The following ZNF148 variants were observed in gnomAD, a reference collection of about 807,000 sequenced individuals.
The protein encoded by ZNF148 is Beta-Enolase Repressor Factor-1.
ZNF148 carries 7 observed loss-of-function variants against 67.7 expected under a neutral mutation model. The ratio of observed to expected loss-of-function variants is 0.10; its 90% CI spans 0.06 to 0.19. ZNF148 has a LOEUF of 0.19. ZNF148 is among the 10% of genes least tolerant of loss of function. ZNF148 has a pLI of 1.00. For synonymous variants in ZNF148, 333 were observed against 330.7 expected, an observed-to-expected ratio of 1.01 and a Z score of -0.08; for missense variants, 583 against 947.1, an observed-to-expected ratio of 0.62 and a Z score of 5.05.
At chr3:125,323,905 G>A (rs1940900301) in intron 2 of ZNF148, among the ~76,000 whole-genome samples, 1 of 150,980 alleles carries the variant, frequency 6.6e-6, no homozygotes, top group South Asian at 2.1e-4. Context: ...CTTGCAGTGA[G>A]CCAAGATTGC....
chr3:125,322,857 G>A (rs1453097118), intron 3 of ZNF148, among the ~76,000 whole-genome samples: 2 of 152,128 alleles, frequency 1.3e-5, no homozygotes, highest in Admixed American at 6.5e-5. Flanking sequence ...CATACAACAT[G>A]TATAGATGTA....
intron 7 of ZNF148, among the ~76,000 whole-genome samples, chr3:125,237,537 G>A (rs1936147541): frequency 6.6e-6 from 1 of 152,096 alleles, no homozygotes; most frequent in Admixed American, 6.5e-5. Flanking sequence ...AGCCAAGATC[G>A]AGCCACTGTT....
At chr3:125,326,312 G>A (rs185486061) in intron 2 of ZNF148, among the ~76,000 whole-genome samples, 1 of 152,074 alleles carries the variant, frequency 6.6e-6, no homozygotes, top group East Asian at 1.9e-4. Context: ...ATAAAGCAAT[G>A]ATCACGACAC....
intron 1 of ZNF148, among the ~76,000 whole-genome samples, chr3:125,333,796 T>C (rs1941386059): frequency 6.6e-6 from 1 of 152,236 alleles, no homozygotes; most frequent in Non-Finnish European, 1.5e-5. Flanking sequence ...TGACTTATGA[T>C]GAGGTTATGT....
At chr3:125,308,197 A>G (rs901973387) in intron 4 of ZNF148, among the ~76,000 whole-genome samples, 1 of 152,238 alleles carries the variant, frequency 6.6e-6, no homozygotes, top group Non-Finnish European at 1.5e-5. Flanking sequence ...AAAGATAACA[A>G]AGTCACAGAA....
Position 125,233,974 on chromosome 3 carries a change from T to C in ZNF148, c.787-35A>G. 6.5e-7 allele frequency: 1 copy of C among 1,540,410 alleles called. No individual in the cohort carries two copies. On this transcript the variant is annotated intron_variant, in intron 8 of 8. Transcript: ENST00000360647. The surrounding 1 kb of genome is among the most constrained non-coding windows in gnomAD (Gnocchi z 5.1). ...TCAGAGGATGGTAGTGGGTTGTTTG[T>C]GGTTTTGGTCAACCAAGAAAAGAAA...
chr3:125,321,665 G>GA (rs1296275732), intron 3 of ZNF148, among the ~76,000 whole-genome samples: 1 of 152,084 alleles, frequency 6.6e-6, no homozygotes, highest in Non-Finnish European at 1.5e-5. Context: ...TTAACAAGGA[G>GA]AGGGGGAGGG....
At chr3:125,256,974 T>G (rs867358242) in intron 7 of ZNF148, among the ~76,000 whole-genome samples, 2,851 of 150,290 alleles carry the variant, frequency 0.019, 28 homozygotes, top group Non-Finnish European at 0.025. Context: ...CCAGTTTTTT[T>G]TTTTTTTTTT....
chr3:125,347,350 T>C (rs1041642335), intron 1 of ZNF148, among the ~76,000 whole-genome samples: 2 of 152,202 alleles, frequency 1.3e-5, no homozygotes, highest in African/African-American at 4.8e-5. Flanking sequence ...AAAATTCATA[T>C]GGAATTGCAA....
intron 3 of ZNF148, among the ~76,000 whole-genome samples, chr3:125,319,796 C>T (rs1940690368): frequency 6.6e-6 from 1 of 152,164 alleles, no homozygotes; most frequent in Non-Finnish European, 1.5e-5. Flanking sequence ...CAGAAGTAAA[C>T]TGGGATTTCA....
Position 125,228,806 on chromosome 3 carries a change from A to AC in ZNF148, c.*3534dup, listed in dbSNP as rs1429040344. On this transcript the variant is annotated 3_prime_UTR_variant, in exon 9 of 9. Coordinates refer to ENST00000360647, the MANE Select transcript of ZNF148 (RefSeq NM_021964.3). ...CAGAATTAAAGATTCAATCATAGGT[A>AC]CATCCTTATTTGATGAACCATATTT... The AC allele has an allele frequency of 6.6e-6, 1 of 152,632 alleles. No homozygotes were observed. Among genetic ancestry groups the AC allele is most frequent in the African/African-American group, 2.4e-5 (1 of 41,464 alleles). 9.5% of individuals were successfully genotyped at this position (152,632 alleles called of 1,614,324 possible).
intron 1 of ZNF148, among the ~76,000 whole-genome samples, chr3:125,364,164 C>T (rs1942631580): frequency 6.6e-6 from 1 of 151,998 alleles, no homozygotes; most frequent in African/African-American, 2.4e-5. Flanking sequence ...TCTGGGAGAC[C>T]GAGGTGGGCA....
chr3:125,263,763 A>G (rs536070892), intron 7 of ZNF148, among the ~76,000 whole-genome samples: 42 of 151,848 alleles, frequency 2.8e-4, no homozygotes, highest in African/African-American at 9.2e-4. Flanking sequence ...GAACTCCTGA[A>G]ACCCTAGGGA....
At chr3:125,368,409 TCA>T (rs1942766278) in intron 1 of ZNF148, among the ~76,000 whole-genome samples, 1 of 152,218 alleles carries the variant, frequency 6.6e-6, no homozygotes, top group Non-Finnish European at 1.5e-5. Flanking sequence ...TGTGAAGCTA[TCA>T]CCCCTGTTCA....
intron 7 of ZNF148, among the ~76,000 whole-genome samples, chr3:125,238,325 T>TA (rs1276945422): frequency 6.6e-6 from 1 of 152,022 alleles, no homozygotes; most frequent in East Asian, 1.9e-4. Context: ...CAAAGGACAC[T>TA]ATCAAAAAAA....
intron 4 of ZNF148, among the ~76,000 whole-genome samples, chr3:125,301,197 T>C (rs1303487666): frequency 6.6e-6 from 1 of 152,180 alleles, no homozygotes; most frequent in South Asian, 2.1e-4. Flanking sequence ...AAAGTTCTAA[T>C]GAGAAAGATG....
chr3:125,310,818 T>C (rs1486562391), intron 4 of ZNF148: 1 of 162,524 alleles, frequency 6.2e-6, no homozygotes, highest in Non-Finnish European at 1.4e-5. Context: ...TCAATATAGT[T>C]TGCACTACTA....
intron 3 of ZNF148, among the ~76,000 whole-genome samples, chr3:125,319,409 C>T (rs773627970): frequency 1.3e-5 from 2 of 152,116 alleles, no homozygotes; most frequent in Non-Finnish European, 1.5e-5. Flanking sequence ...ACAAAGTTAA[C>T]AGAAGCATTA....
intron 3 of ZNF148, among the ~76,000 whole-genome samples, chr3:125,317,785 A>C (rs1254232201): frequency 1.3e-5 from 2 of 151,026 alleles, no homozygotes; most frequent in Non-Finnish European, 3.0e-5. Flanking sequence ...TTCATGAAGA[A>C]GACTAATTTT....
Sources: allele counts gnomAD v4.1 joint callset (sites outside exome capture counted in the v4.1 genomes callset), GRCh38; gene constraint gnomAD v4.1.1; non-coding constraint Gnocchi (gnomAD v3.1); transcripts MANE v1.5; gene names NCBI Gene and HGNC (gene_info 2026-07-23, HGNC 2026-07-21).